EFNB1: variants seen among roughly 807,000 people sequenced by gnomAD.
The protein encoded by EFNB1 is ephrin B1, also known as ephrin-B1.
In EFNB1, 1 loss-of-function variant was observed where a neutral mutation model predicts 18.1. The observed-to-expected ratio is 0.06, with a 90% confidence interval of 0.02 to 0.26. EFNB1 has a LOEUF of 0.26. EFNB1 is among the 10% of genes least tolerant of loss of function. The probability of loss-of-function intolerance (pLI) is 1.00; values close to 1 mark genes in which losing one functional copy is unlikely to be tolerated. For missense variants in EFNB1, 221 were observed against 301.8 expected (o/e 0.73, Z 1.98); for synonymous variants, 131 against 127.5 (o/e 1.03, Z -0.19).
At chrX:68,833,457 G>C (rs2080452303) in intron 1 of EFNB1, among the ~76,000 whole-genome samples, 1 of 112,226 alleles carries the variant, frequency 8.9e-6, no homozygotes, top group Non-Finnish European at 1.9e-5. Context: ...TGGGCTCTCT[G>C]TTGTCTCATC....
At position 68,840,409 on chromosome X, in the gene EFNB1, C is replaced by T. The variant is rs754504608; in HGVS notation, c.796C>T (p.Arg266Cys). 7.4e-6 allele frequency: 9 copies of T among 1,210,720 alleles called. No individual in the cohort carries two copies. The highest frequency in any genetic ancestry group is 1.8e-5 in the South Asian group (1 of 56,857). Residue 266 changes from arginine to cysteine, a missense_variant, in exon 5 of 5, where the codon CGC becomes TGC. Transcript: ENST00000204961. ...CCTGACGGTCCTACTACTGAAGCTACGCAAGCGGCACCGCAAGCACACACA... is the reference window on the plus strand; with the variant it reads ...CCTGACGGTCCTACTACTGAAGCTATGCAAGCGGCACCGCAAGCACACACA... ...IFLTVLLLKL[R>C]KRHRKHTQQR...
intron 1 of EFNB1, among the ~76,000 whole-genome samples, chrX:68,831,510 G>T (rs1602666942): frequency 2.3e-5 from 2 of 85,345 alleles, no homozygotes; most frequent in African/African-American, 1.1e-4. Flanking sequence ...GGAACGTTGT[G>T]AAGTGCTCAG....
intron 2 of EFNB1, 123 bp downstream of exon 2, chrX:68,839,017 G>A: frequency 1.1e-6 from 1 of 941,650 alleles, no homozygotes; most frequent in Non-Finnish European, 1.5e-6. Flanking sequence ...TGCTGGATCT[G>A]ATCCCCTTTG....
chrX:68,830,525 G>A (rs1182080218), intron 1 of EFNB1, among the ~76,000 whole-genome samples: 1 of 113,163 alleles, frequency 8.8e-6, no homozygotes, highest in East Asian at 2.8e-4. Context: ...TAGAAAGGCG[G>A]GCGCTGCTCC....
intron 1 of EFNB1, among the ~76,000 whole-genome samples, chrX:68,833,127 GGT>G (rs1460762610): frequency 9.0e-6 from 1 of 110,968 alleles, no homozygotes; most frequent in Non-Finnish European, 1.9e-5. Context: ...CTCCAGCATG[GGT>G]GGGGGCAGCT....
At chrX:68,838,184 C>CAT (rs2080466995) in intron 1 of EFNB1, among the ~76,000 whole-genome samples, 3 of 102,526 alleles carry the variant, frequency 2.9e-5, no homozygotes, top group Non-Finnish European at 5.9e-5. Context: ...CGCGCGCGCG[C>CAT]GCGCACGTGT....
At position 68,841,958 on chromosome X, in the gene EFNB1, G is replaced by A. The variant is rs2080480766; in HGVS notation, c.*1304G>A. On this transcript the variant is annotated 3_prime_UTR_variant, in exon 5 of 5. Transcript: ENST00000204961. ...CCAGCTGCCCACCCCAGTGCCAGGT[G>A]GGAGAGGGAGCAGAACAGCCAGCCC... is the stretch of plus-strand genomic sequence containing the variant. 1 of 113,363 alleles carries A rather than the reference G, an allele frequency of 8.8e-6. No homozygotes were observed. The highest frequency in any genetic ancestry group is 3.2e-5 in the African/African-American group (1 of 31,134). 9.3% of individuals were successfully genotyped at this position (113,363 alleles called of 1,213,427 possible).
In EFNB1 at chrX:68,840,726, C is replaced by A; in HGVS notation, c.*72C>A. On this transcript the variant is annotated 3_prime_UTR_variant, in exon 5 of 5. Transcript: ENST00000204961. ...GGACCTCTCCTTTCGCCCCCACACC[C>A]CCTCCCCTTGCCAGCTGTGCCCACC... 9.3e-7 allele frequency: 1 copy of A among 1,078,122 alleles called. No homozygotes were observed. Among genetic ancestry groups the A allele is most frequent in the Non-Finnish European group, 1.3e-6 (1 of 794,568 alleles). The allele number at this position is 1,078,122 out of a possible 1,213,427, so 88.8% of individuals were successfully genotyped here.
chrX:68,833,907 A>G (rs1224999230), intron 1 of EFNB1, among the ~76,000 whole-genome samples: 1 of 112,565 alleles, frequency 8.9e-6, no homozygotes, highest in East Asian at 2.8e-4. Flanking sequence ...TTTTCCAGAT[A>G]AGAAGGCATA....
rs761704495 is a variant in EFNB1 at position 68,840,270 on chromosome X, C to T, written c.657C>T (p.Gly219=). 1.7e-6 allele frequency: 2 copies of T among 1,211,998 alleles called. No homozygotes were observed. Among genetic ancestry groups the T allele is most frequent in the Non-Finnish European group, 2.2e-6 (2 of 895,563 alleles). The part of the protein sequence containing the change: ...HETVNQEEKS[G]PGASGGSSGD... Reference sequence around the variant, plus strand: ...CTGTGAACCAGGAAGAGAAGAGTGGCCCAGGTGCAAGTGGGGGCAGCAGCG... The same window carrying T: ...CTGTGAACCAGGAAGAGAAGAGTGGTCCAGGTGCAAGTGGGGGCAGCAGCG... Residue 219 remains glycine (G), a synonymous_variant, in exon 5 of 5, where the codon GGC becomes GGT. Coordinates refer to ENST00000204961, the MANE Select transcript of EFNB1 (RefSeq NM_004429.5).
At position 68,840,973 on chromosome X, in the gene EFNB1, G is replaced by T. The variant is rs972184429; in HGVS notation, c.*319G>T. ...AGTCCCCTGGCCCTGCCCCTCCCTC[G>T]CCCCCCTTGCCACCTTCCCAGGACT... is the stretch of plus-strand genomic sequence containing the variant. On this transcript the variant is annotated 3_prime_UTR_variant, in exon 5 of 5. Coordinates refer to ENST00000204961, the MANE Select transcript of EFNB1 (RefSeq NM_004429.5). The T allele has an allele frequency of 5.7e-6, 2 of 348,183 alleles. No homozygotes were observed. The highest frequency in any genetic ancestry group is 4.4e-5 in the East Asian group (1 of 22,477). The allele number at this position is 348,183 out of a possible 1,213,427, so 28.7% of individuals were successfully genotyped here.
rs1040686936 is a variant in EFNB1, at chrX:68,841,763, A to T, written c.*1109A>T. 20 of 113,682 alleles carry T rather than the reference A, an allele frequency of 1.8e-4. No homozygotes were observed. The highest frequency in any genetic ancestry group is 6.4e-4 in the African/African-American group (20 of 31,278). 9.4% of individuals were successfully genotyped at this position (113,682 alleles called of 1,213,427 possible). A position where few individuals can be genotyped will look rare whatever the true frequency, so the allele number is the denominator to read the frequency against. ...TCCCAGTCTTGGGCTGGGGCCTGGA[A>T]AGAGGAAGAGGCTGCCTGGGGCTGG... On this transcript the variant is annotated 3_prime_UTR_variant, in exon 5 of 5. Coordinates refer to ENST00000204961, the MANE Select transcript of EFNB1 (RefSeq NM_004429.5).
chrX:68,838,123 G>A (rs1216544276), intron 1 of EFNB1, among the ~76,000 whole-genome samples: 1 of 78,161 alleles, frequency 1.3e-5, no homozygotes, highest in African/African-American at 5.4e-5. Context: ...CTTGCTGTGT[G>A]TGTGTGTATG....
At chrX:68,833,138 C>CT (rs1433337846) in intron 1 of EFNB1, among the ~76,000 whole-genome samples, 1 of 111,137 alleles carries the variant, frequency 9.0e-6, no homozygotes, top group African/African-American at 3.3e-5. Context: ...GTGGGGGCAG[C>CT]TGCAGACCCC....
rs1372324905 is a variant in EFNB1, at chrX:68,839,994, C to G, written c.534C>G (p.Thr178=). The change falls in exon 4 of 5, where the codon ACC becomes ACG. Residue 178 remains threonine, a synonymous_variant. Transcript: ENST00000204961. ...PNAVTPEQLT[T]SRPSKEADNT... ...CTGTGACGCCTGAGCAGCTGACTAC[C>G]AGCAGGCCCAGCAAGGAGGCAGACA... 11 of 1,210,393 alleles carry G rather than the reference C, an allele frequency of 9.1e-6. No homozygotes were observed. The highest frequency in any genetic ancestry group is 1.7e-5 in the African/African-American group (1 of 57,295).
rs2080474829 is a variant in EFNB1, at chrX:68,840,505, G to A, written c.892G>A (p.Glu298Lys). 3.3e-6 allele frequency: 4 copies of A among 1,210,943 alleles called. No homozygotes were observed. The highest frequency in any genetic ancestry group is 1.7e-5 in the African/African-American group (1 of 57,845). ...GGGGGGCAGTGGCACAGCGGGCACC[G>A]AGCCCAGCGACATCATCATTCCCTT... The part of the protein sequence containing the change: ...PKGGSGTAGT[E>K]PSDIIIPLRT... Residue 298 changes from glutamate (E) to lysine (K), a missense_variant, in exon 5 of 5, where the codon GAG becomes AAG. By Grantham distance (56) the Glu-to-Lys change is moderately conservative. Transcript: ENST00000204961.
In EFNB1 at chrX:68,841,186, A is replaced by T. The variant is rs1456248805; in HGVS notation, c.*532A>T. The T allele has an allele frequency of 8.1e-6, 1 of 123,198 alleles. No homozygotes were observed. Among genetic ancestry groups the T allele is most frequent in the East Asian group, 2.3e-4 (1 of 4,321 alleles). The allele number at this position is 123,198 out of a possible 1,213,427, so 10.2% of individuals were successfully genotyped here. ...GATGTGGTCAGCCAGGAAGCATAGG[A>T]TGCCATTTCTTTTATAGATTCCTTG... is the stretch of plus-strand genomic sequence containing the variant. On this transcript the variant is annotated 3_prime_UTR_variant, in exon 5 of 5. Transcript: ENST00000204961.
chrX:68,838,149 G>C (rs867995510), intron 1 of EFNB1, among the ~76,000 whole-genome samples: 24 of 47,800 alleles, frequency 5.0e-4, no homozygotes, highest in African/African-American at 3.3e-3. Context: ...GTGTGTGTGT[G>C]TGTGTGTGTG....
At position 68,840,821 on chromosome X, in the gene EFNB1, G is replaced by C; in HGVS notation, c.*167G>C. ...TTTCCCTGCCCCCTGGGCTTCGGAG[G>C]GGGGTGCTTGTGCCCCTAACCCCCA... On this transcript the variant is annotated 3_prime_UTR_variant, in exon 5 of 5. Transcript: ENST00000204961. 1 of 584,922 alleles carries C rather than the reference G, an allele frequency of 1.7e-6. No individual in the cohort carries two copies. Among genetic ancestry groups the C allele is most frequent in the Middle Eastern group, 5.2e-4 (1 of 1,909 alleles). The allele number at this position is 584,922 out of a possible 1,213,427, so 48.2% of individuals were successfully genotyped here. A position where few individuals can be genotyped will look rare whatever the true frequency, so the allele number is the denominator to read the frequency against.
Sources: gnomAD v4.1 joint callset for allele counts (sites outside exome capture counted in the v4.1 genomes callset) on GRCh38, gnomAD v4.1.1 for gene constraint, MANE v1.5 for transcripts, NCBI Gene and HGNC (gene_info 2026-07-23, HGNC 2026-07-21) for gene names.